CFAP43: variants seen among roughly 807,000 people sequenced by gnomAD.
CFAP43 encodes cilia- and flagella-associated protein 43.
Under a neutral mutation model 218.9 loss-of-function variants are expected in CFAP43, and 155 were observed. The observed-to-expected ratio is 0.71, with a 90% CI of 0.62 to 0.81. The LOEUF is 0.81. Among genes scored for constraint, CFAP43 ranks in the 30% least tolerant of loss-of-function variants. CFAP43 has a pLI of 0.00. For missense variants in CFAP43, 1,778 were observed against 1,954.3 expected (o/e 0.91, Z 1.70); for synonymous variants, 645 against 681.3 (o/e 0.95, Z 0.83).
At chr10:104,219,140 C>CA (rs1346997779) in intron 3 of CFAP43, among the ~76,000 whole-genome samples, 5 of 151,994 alleles carry the variant, frequency 3.3e-5, no homozygotes, top group African/African-American at 1.2e-4. Flanking sequence ...TCCCTGCCCC[C>CA]AAGCCCTCAG....
chr10:104,146,328 G>T lies in CFAP43; in HGVS notation c.3790C>A (p.Arg1264=). The T allele has an allele frequency of 1.2e-6, 2 of 1,613,486 alleles. No individual in the cohort carries two copies. The highest frequency in any genetic ancestry group is 1.1e-5 in the South Asian group (1 of 91,014). Residue 1264 remains arginine (R), a synonymous_variant, in exon 30 of 38, where the codon CGG becomes AGG. Transcript: ENST00000357060. ...HEKSQTSEAV[R]KSREDLDVCK... ...ACATCCAGGTCTTCTCTAGATTTCC[G>T]AACAGCTTCTGAAGTCTGGCTCTAT...
chr10:104,212,491 G>C (rs927652029), intron 4 of CFAP43, among the ~76,000 whole-genome samples: 1 of 152,114 alleles, frequency 6.6e-6, no homozygotes, highest in African/African-American at 2.4e-5. Context: ...CCTCCTCAAG[G>C]TGGCAGGGAC....
In CFAP43 at chr10:104,134,257, G is replaced by A. The variant is rs989126871; in HGVS notation, c.4432-473C>T. 3.9e-5 allele frequency among the ~76,000 whole-genome samples: 6 copies of A among 152,166 alleles called. No individual in the cohort carries two copies. The South Asian group carries it at 1.2e-3, about 32-fold the overall frequency. ...TACGGAAAATCAAAAAATTAGCCTG[G>A]AATAGTGGTGCACGCCTGTGGTCCC... On this transcript the variant is annotated intron_variant, in intron 34 of 37. Transcript: ENST00000357060.
chr10:104,227,464 C>T (rs145492604), intron 2 of CFAP43, among the ~76,000 whole-genome samples: 1 of 152,142 alleles, frequency 6.6e-6, no homozygotes, highest in African/African-American at 2.4e-5. Context: ...AAAGTTGTGA[C>T]CTTGATAGGC....
At chr10:104,193,738 G>A in intron 11 of CFAP43, 128 bp downstream of exon 11, 2 of 1,263,258 alleles carry the variant, frequency 1.6e-6, no homozygotes, top group Non-Finnish European at 2.1e-6. Context: ...GTTGAACTGT[G>A]TGAATATATT....
rs1411930661 is a variant in CFAP43 at position 104,131,353 on chromosome 10, T to A, written c.4809A>T (p.Arg1603Ser). 1 of 1,611,464 alleles carries A rather than the reference T, an allele frequency of 6.2e-7. No homozygotes were observed. The highest frequency in any genetic ancestry group is 1.7e-4 in the Middle Eastern group (1 of 6,052). Residue 1603 changes from arginine to serine, a missense_variant, in exon 37 of 38, where the codon AGA (arginine) becomes AGT (serine). Physicochemically the swap from Arg to Ser is moderately radical, Grantham distance 110 (BLOSUM62 -1). Coordinates refer to ENST00000357060, the MANE Select transcript of CFAP43 (RefSeq NM_025145.7). ...TACCCATTGCATTACAGATGTCTTT[T>A]CTCTCTGAGACAGCTACCAACTCTT... Reference protein sequence around the residue: ...LREELVAVSERKDICNAMGSK... With the variant: ...LREELVAVSESKDICNAMGSK...
At chr10:104,154,953 C>T (rs2088461139) in intron 27 of CFAP43, among the ~76,000 whole-genome samples, 1 of 152,140 alleles carries the variant, frequency 6.6e-6, no homozygotes, top group East Asian at 1.9e-4. Flanking sequence ...TTCCAGGGCA[C>T]ATGATTTCTG....
chr10:104,205,212 C>CAAAAAAAAAAAAAAAAAA (rs71022723), intron 7 of CFAP43, among the ~76,000 whole-genome samples: 2 of 56,554 alleles, frequency 3.5e-5, no homozygotes, highest in African/African-American at 6.8e-5. Flanking sequence ...GACTCCGTCT[C>CAAAAAAAAAAAAAAAAAA]AAAAAAAAAA....
At chr10:104,202,767 C>CCATAGATA (rs1174273412) in intron 8 of CFAP43, among the ~76,000 whole-genome samples, 1 of 150,656 alleles carries the variant, frequency 6.6e-6, no homozygotes, top group Non-Finnish European at 1.5e-5. Flanking sequence ...TTCCTATTCT[C>CCATAGATA]CATAGATATT....
At chr10:104,148,241 T>C (rs1589640257) in intron 28 of CFAP43, among the ~76,000 whole-genome samples, 2 of 152,202 alleles carry the variant, frequency 1.3e-5, no homozygotes, top group African/African-American at 4.8e-5. Flanking sequence ...ATATATAATT[T>C]AATGGGTTAT....
intron 16 of CFAP43, among the ~76,000 whole-genome samples, chr10:104,182,735 A>G (rs373936688): frequency 1.4e-4 from 21 of 152,084 alleles, no homozygotes; most frequent in African/African-American, 5.1e-4. Flanking sequence ...TTAAAGAGAA[A>G]GGGTCTTGCT....
At chr10:104,160,952 T>C in intron 27 of CFAP43, 85 bp downstream of exon 27, 2 of 1,335,598 alleles carry the variant, frequency 1.5e-6, no homozygotes, top group Non-Finnish European at 2.0e-6. Context: ...CTATTAAAGA[T>C]ATCGACAAAG....
Position 104,132,183 on chromosome 10 carries a change from G to T in CFAP43, c.4610C>A (p.Pro1537Gln). ...AATACTAATCAGAGCCTCATAGTTT[G>T]GTTCATTTAGGTACTTTGAGATTAA... ...SRDRQKYLNE[P>Q]NYEALISIQI... is the part of the protein sequence containing the mutation. Residue 1537 changes from proline to glutamine, a missense_variant, in exon 36 of 38, where the codon CCA (proline) becomes CAA (glutamine). Transcript: ENST00000357060. 1 of 1,594,482 alleles carries T rather than the reference G, an allele frequency of 6.3e-7. No homozygotes were observed.
chr10:104,205,625 G>A (rs994500402), intron 7 of CFAP43, among the ~76,000 whole-genome samples: 69 of 152,154 alleles, frequency 4.5e-4, no homozygotes, highest in Non-Finnish European at 6.2e-4. Flanking sequence ...TTCCAAATTC[G>A]TGTCTGATAA....
chr10:104,182,516 A>C lies in CFAP43; in HGVS notation c.2142-3T>G. The C allele has an allele frequency of 6.4e-7, 1 of 1,566,968 alleles. No homozygotes were observed. The highest frequency in any genetic ancestry group is 8.6e-7 in the Non-Finnish European group (1 of 1,165,868). On this transcript the variant is annotated splice_polypyrimidine_tract_variant and splice_region_variant and intron_variant, in intron 16 of 37. Transcript: ENST00000357060. The stretch of plus-strand genomic sequence containing the variant: ...TGGCTAGGTGTCCTCCAAATCGCCT[A>C]TATTAATAAAAAAGAAAACACAGAG...
At chr10:104,145,758 A>C (rs1434954238) in intron 30 of CFAP43, among the ~76,000 whole-genome samples, 194 bp from the exon 31 acceptor site, 1 of 152,242 alleles carries the variant, frequency 6.6e-6, no homozygotes, top group African/African-American at 2.4e-5. Flanking sequence ...AGAAGCATCT[A>C]AGTGTATTAA....
At chr10:104,194,187 AGATG>A (rs2090318715) in intron 10 of CFAP43, among the ~76,000 whole-genome samples, 173 bp from the exon 11 acceptor site, 1 of 152,224 alleles carries the variant, frequency 6.6e-6, no homozygotes, top group Admixed American at 6.5e-5. Flanking sequence ...CAACTGCATA[AGATG>A]GCACAGGAAT....
At chr10:104,201,998 A>G (rs1374438055) in intron 8 of CFAP43, among the ~76,000 whole-genome samples, 1 of 152,222 alleles carries the variant, frequency 6.6e-6, no homozygotes, top group Admixed American at 6.5e-5. Flanking sequence ...TTTTCTATAA[A>G]TAGGCTGACA....
At chr10:104,183,881 T>C (rs2089942910) in intron 16 of CFAP43, among the ~76,000 whole-genome samples, 1 of 152,236 alleles carries the variant, frequency 6.6e-6, no homozygotes, top group Non-Finnish European at 1.5e-5. Context: ...GCTAATATTC[T>C]ATTCAGAATC....
Sources: allele counts gnomAD v4.1 joint callset (sites outside exome capture counted in the v4.1 genomes callset), GRCh38; gene constraint gnomAD v4.1.1; transcripts MANE v1.5; gene names NCBI Gene and HGNC (gene_info 2026-07-23, HGNC 2026-07-21).